DPP10: variants seen among roughly 807,000 people sequenced by gnomAD.
DPP10 encodes the protein inactive dipeptidyl peptidase 10.
A neutral mutation model predicts 120.9 loss-of-function variants in DPP10; 33 were observed. That is an observed-to-expected ratio of 0.27 (90% CI 0.21 to 0.37). The LOEUF is 0.37. DPP10 is among the 10% of genes least tolerant of loss of function. DPP10 has a pLI of 1.00. For missense variants in DPP10, 816 were observed against 942.8 expected (o/e 0.87, Z 1.76); for synonymous variants, 337 against 326.1 (o/e 1.03, Z -0.36).
intron 3 of DPP10, among the ~76,000 whole-genome samples, chr2:115,344,943 T>C (rs893479738): frequency 6.6e-6 from 1 of 152,212 alleles, no homozygotes; most frequent in South Asian, 2.1e-4. Flanking sequence ...TTACTCTACT[T>C]AAGTGTATTT....
At chr2:115,729,232 T>G (rs1449231775) in intron 8 of DPP10, among the ~76,000 whole-genome samples, 1 of 152,148 alleles carries the variant, frequency 6.6e-6, no homozygotes, top group African/African-American at 2.4e-5. Context: ...AATAAACAGG[T>G]GGACAACACA....
At chr2:114,501,510 A>G (rs1683178021) in intron 1 of DPP10, among the ~76,000 whole-genome samples, 1 of 152,218 alleles carries the variant, frequency 6.6e-6, no homozygotes, top group Non-Finnish European at 1.5e-5. Context: ...CTGCTAAAAA[A>G]TCTGCCATGT....
intron 1 of DPP10, among the ~76,000 whole-genome samples, chr2:115,225,510 T>C (rs62167278): frequency 9.8e-4 from 139 of 142,096 alleles, no homozygotes; most frequent in Non-Finnish European, 1.1e-3. Flanking sequence ...TGTGTGTGTG[T>C]GCGTGTGTGT....
Position 115,157,064 on chromosome 2 carries a change from T to C in DPP10, c.61-152175T>C, listed in dbSNP as rs141155732. Among the ~76,000 whole-genome samples, 928 of 152,158 alleles carry C rather than the reference T, an allele frequency of 6.1e-3. 7 individuals are homozygous for C. Among genetic ancestry groups the C allele is most frequent in the African/African-American group, 0.021 (880 of 41,504 alleles). On this transcript the variant is annotated intron_variant, in intron 1 of 25. Coordinates refer to ENST00000410059, the MANE Select transcript of DPP10 (RefSeq NM_020868.6). ...TTGTTGGGCATCTAGTGGGTAAACA[T>C]GACAACAGCAGGTAAATTTCTCACG...
intron 1 of DPP10, among the ~76,000 whole-genome samples, chr2:115,221,389 A>G (rs191027763): frequency 1.3e-5 from 2 of 152,298 alleles, no homozygotes; most frequent in East Asian, 1.9e-4. Flanking sequence ...ACTCAAATGC[A>G]CTAAAGCAGG....
intron 12 of DPP10, among the ~76,000 whole-genome samples, 158 bp downstream of exon 12, chr2:115,762,768 T>G (rs1180436943): frequency 6.6e-6 from 1 of 152,162 alleles, no homozygotes; most frequent in Non-Finnish European, 1.5e-5. Context: ...GACTTGGGCT[T>G]TCTATGGTAT....
At chr2:115,496,068 G>A (rs1335579786) in intron 3 of DPP10, among the ~76,000 whole-genome samples, 2 of 151,916 alleles carry the variant, frequency 1.3e-5, no homozygotes. Context: ...CTATTAGTCT[G>A]GTAGATAACT....
rs139482843 is a variant in DPP10 at position 114,636,125 on chromosome 2, A to G, written c.60+193287A>G. ...ACCATAGTTTATTAGTCATTCTTTC[A>G]ATAAAAATCATGTTAATGTAAAAAG... is the stretch of plus-strand genomic sequence containing the variant. On this transcript the variant is annotated intron_variant, in intron 1 of 25. Transcript: ENST00000410059. Among the ~76,000 whole-genome samples the G allele has an allele frequency of 1.2e-3, 189 of 152,082 alleles. 2 individuals carry two copies. Among genetic ancestry groups the G allele is most frequent in the Middle Eastern group, 0.01 (3 of 294 alleles).
chr2:114,735,885 C>A (rs1203016331), intron 1 of DPP10, among the ~76,000 whole-genome samples: 1 of 151,970 alleles, frequency 6.6e-6, no homozygotes, highest in Non-Finnish European at 1.5e-5. Flanking sequence ...CTCACTTCAA[C>A]CCTCCCCCTA....
chr2:114,724,441 G>T (rs1245248976), intron 1 of DPP10, among the ~76,000 whole-genome samples: 1 of 152,188 alleles, frequency 6.6e-6, no homozygotes, highest in Non-Finnish European at 1.5e-5. Context: ...ACAGTCTCTG[G>T]CATGTACCTA....
chr2:115,458,985 T>TA (rs1417312204), intron 3 of DPP10, among the ~76,000 whole-genome samples: 2 of 152,130 alleles, frequency 1.3e-5, no homozygotes, highest in Non-Finnish European at 2.9e-5. Context: ...ACAGCAAAGA[T>TA]AAAGAGACAC....
chr2:114,475,159 A>G (rs1377014180), intron 1 of DPP10, among the ~76,000 whole-genome samples: 2 of 152,188 alleles, frequency 1.3e-5, no homozygotes, highest in South Asian at 2.1e-4. Context: ...CAGTTTACAC[A>G]CAAGCATGTT....
At chr2:115,592,193 A>G (rs529581774) in intron 5 of DPP10, among the ~76,000 whole-genome samples, 127 of 152,306 alleles carry the variant, frequency 8.3e-4, no homozygotes, top group African/African-American at 3.0e-3. Flanking sequence ...AATAAGATAC[A>G]GAAGCTTTTA....
chr2:114,863,929 C>A (rs1429102471), intron 1 of DPP10, among the ~76,000 whole-genome samples: 1 of 152,136 alleles, frequency 6.6e-6, no homozygotes, highest in Non-Finnish European at 1.5e-5. Context: ...CTGTGTCATG[C>A]AACTGGCTGC....
intron 1 of DPP10, among the ~76,000 whole-genome samples, chr2:114,553,744 G>C (rs1014641405): frequency 1.3e-5 from 2 of 152,038 alleles, no homozygotes; most frequent in African/African-American, 2.4e-5. Flanking sequence ...GTAGAAGTAT[G>C]AGAGGATCAA....
chr2:114,548,922 A>G (rs1046138189), intron 1 of DPP10, among the ~76,000 whole-genome samples: 27 of 152,208 alleles, frequency 1.8e-4, no homozygotes, highest in African/African-American at 6.3e-4. Flanking sequence ...TTAAAGAGAG[A>G]TGTGTTTAAA....
intron 5 of DPP10, among the ~76,000 whole-genome samples, chr2:115,615,110 T>C (rs1290648984): frequency 2.6e-5 from 4 of 152,094 alleles, no homozygotes; most frequent in Non-Finnish European, 5.9e-5. Context: ...TATTTTAAGT[T>C]TACATTATAC....
Position 115,062,854 on chromosome 2 carries a change from C to T in DPP10, c.61-246385C>T, listed in dbSNP as rs1706529462. 2.0e-5 allele frequency among the ~76,000 whole-genome samples: 3 copies of T among 152,186 alleles called. No individual in the cohort carries two copies. In the South Asian group the frequency reaches 6.2e-4, roughly 31 times the overall value. On this transcript the variant is annotated intron_variant, in intron 1 of 25. Coordinates refer to ENST00000410059, the MANE Select transcript of DPP10 (RefSeq NM_020868.6). ...TGAATAGTGCTGCAATGAATATATG[C>T]ATGCATGTATCTTTATAATAGAACA...
At chr2:115,484,148 C>A (rs2901336) in intron 3 of DPP10, among the ~76,000 whole-genome samples, 142,979 of 151,692 alleles carry the variant, frequency 0.94, 67,653 homozygotes, top group East Asian at 1. Flanking sequence ...CACCCCCCCC[C>A]CACACACAAA....
Sources: gnomAD v4.1 joint callset for allele counts (sites outside exome capture counted in the v4.1 genomes callset) on GRCh38, gnomAD v4.1.1 for gene constraint, MANE v1.5 for transcripts, NCBI Gene and HGNC (gene_info 2026-07-23, HGNC 2026-07-21) for gene names.